Variants in SEMA3A observed in about 807,000 individuals in gnomAD.
SEMA3A encodes semaphorin 3A.
SEMA3A carries 29 observed loss-of-function variants against 97.9 expected under a neutral mutation model. The ratio of observed to expected loss-of-function variants is 0.30; its 90% CI spans 0.22 to 0.40. The LOEUF (loss-of-function observed/expected upper bound fraction) is 0.40, where lower values mean the gene tolerates loss of function less well. Ranked by LOEUF, SEMA3A falls within the 10% of genes least tolerant of loss-of-function variation. The pLI is 1.00. For missense variants in SEMA3A, 763 were observed against 951.3 expected (o/e 0.80, Z 2.60); for synonymous variants, 321 against 323.7 (o/e 0.99, Z 0.09).
intron 2 of SEMA3A, among the ~76,000 whole-genome samples, chr7:84,328,725 G>A (rs1801834097): frequency 6.6e-6 from 1 of 151,902 alleles, no homozygotes; most frequent in African/African-American, 2.4e-5. Flanking sequence ...ATTTTCTAAG[G>A]ATTTGGGGCC....
At chr7:84,445,023 TA>T (rs1805373554) in intron 1 of SEMA3A, among the ~76,000 whole-genome samples, 1 of 152,188 alleles carries the variant, frequency 6.6e-6, no homozygotes, top group Non-Finnish European at 1.5e-5. Flanking sequence ...TTAAAACTGA[TA>T]TCTTCTTCTG....
At chr7:84,335,080 T>C (rs1309045346) in intron 2 of SEMA3A, among the ~76,000 whole-genome samples, 1 of 152,160 alleles carries the variant, frequency 6.6e-6, no homozygotes, top group Non-Finnish European at 1.5e-5. Flanking sequence ...AACCTTAAAA[T>C]TTTCAATTTT....
intron 2 of SEMA3A, among the ~76,000 whole-genome samples, chr7:84,333,494 G>A (rs549214286): frequency 6.6e-6 from 1 of 152,196 alleles, no homozygotes; most frequent in East Asian, 1.9e-4. Flanking sequence ...GGTGAGGAGA[G>A]TGACTTTAGT....
intron 7 of SEMA3A, among the ~76,000 whole-genome samples, chr7:84,013,027 T>G (rs1790947137): frequency 6.6e-6 from 1 of 152,122 alleles, no homozygotes; most frequent in Admixed American, 6.6e-5. Context: ...TTTCAGTAAT[T>G]GAATATAGTA....
intron 6 of SEMA3A, among the ~76,000 whole-genome samples, chr7:84,038,798 A>G (rs921212215): frequency 6.6e-6 from 1 of 152,184 alleles, no homozygotes; most frequent in African/African-American, 2.4e-5. Flanking sequence ...TACTTACTAG[A>G]GATAAATTAA....
chr7:84,120,221 C>A (rs1260893865), intron 3 of SEMA3A, among the ~76,000 whole-genome samples: 1 of 152,004 alleles, frequency 6.6e-6, no homozygotes, highest in Non-Finnish European at 1.5e-5. Context: ...TAATACCAAC[C>A]TATTTGGCTG....
chr7:84,420,581 A>G (rs1189670368), intron 1 of SEMA3A, among the ~76,000 whole-genome samples: 2 of 152,004 alleles, frequency 1.3e-5, no homozygotes, highest in Non-Finnish European at 2.9e-5. Flanking sequence ...AATGGCAAAA[A>G]CTTTTCTTAT....
chr7:84,372,388 A>C (rs2116106134), intron 1 of SEMA3A: 1 of 152,186 alleles, frequency 6.6e-6, no homozygotes, highest in African/African-American at 2.4e-5. Flanking sequence ...TCTTACAATT[A>C]TCCTCAAATG....
At chr7:84,295,035 T>G (rs1468787399) in intron 3 of SEMA3A, among the ~76,000 whole-genome samples, 8 of 152,052 alleles carry the variant, frequency 5.3e-5, no homozygotes, top group African/African-American at 1.7e-4. Context: ...TTTCTTAGTT[T>G]CCTTACTTTT....
rs1216684985 is a variant in SEMA3A, at chr7:84,110,533, G to A, written c.390C>T (p.Tyr130=). 33 of 1,613,694 alleles carry A rather than the reference G, an allele frequency of 2.0e-5. No homozygotes were observed. Among genetic ancestry groups the A allele is most frequent in the Middle Eastern group, 1.6e-4 (1 of 6,082 alleles). Residue 130 remains tyrosine, a synonymous_variant, in exon 4 of 17, where the codon TAC becomes TAT. Transcript: ENST00000265362. ...VLKAYNQTHL[Y]ACGTGAFHPI... The stretch of plus-strand genomic sequence containing the variant: ...GATGAAAAGCCCCCGTTCCACAGGC[G>A]TACAAGTGAGTCTGATTATATGCCT...
chr7:84,015,330 G>A (rs1211798495), intron 6 of SEMA3A, among the ~76,000 whole-genome samples: 1 of 152,092 alleles, frequency 6.6e-6, no homozygotes, highest in Non-Finnish European at 1.5e-5. Context: ...TCTGTGCAAT[G>A]AGAAAAGAAA....
intron 15 of SEMA3A, among the ~76,000 whole-genome samples, chr7:83,976,361 T>C (rs940056644): frequency 3.3e-5 from 5 of 152,190 alleles, no homozygotes; most frequent in African/African-American, 4.8e-5. Context: ...AATGTTTACA[T>C]TGTACATTTC....
intron 3 of SEMA3A, among the ~76,000 whole-genome samples, chr7:84,203,446 T>C (rs1253626893): frequency 1.4e-5 from 2 of 147,194 alleles, no homozygotes; most frequent in African/African-American, 5.0e-5. Flanking sequence ...TAAAATATTA[T>C]GTTCAGAAAT....
chr7:84,491,540 C>T (rs1199562297), intron 1 of SEMA3A, among the ~76,000 whole-genome samples: 1 of 152,104 alleles, frequency 6.6e-6, no homozygotes, highest in Non-Finnish European at 1.5e-5. Flanking sequence ...GCAGCAAACA[C>T]ATTCTTTTAC....
rs141006220 is a variant in SEMA3A, at chr7:84,108,578, A to G, written c.453+1892T>C. On this transcript the variant is annotated intron_variant, in intron 4 of 16. Transcript: ENST00000265362. ...AAGATCTGAAGCTAGATGTGACACC[A>G]AAGTCCAGTCCTTTCTGCTAATTTG... Among the ~76,000 whole-genome samples the G allele has an allele frequency of 2.8e-3, 424 of 152,280 alleles. 4 individuals carry two copies. Among genetic ancestry groups the G allele is most frequent in the African/African-American group, 9.3e-3 (387 of 41,576 alleles).
intron 2 of SEMA3A, among the ~76,000 whole-genome samples, chr7:84,360,353 C>T (rs1460452946): frequency 6.6e-6 from 1 of 152,032 alleles, no homozygotes; most frequent in Admixed American, 6.6e-5. Context: ...TCTCTGTTCT[C>T]GTTGGTTTCA....
At chr7:84,468,788 A>C (rs926619090) in intron 1 of SEMA3A, among the ~76,000 whole-genome samples, 1 of 152,098 alleles carries the variant, frequency 6.6e-6, no homozygotes, top group Non-Finnish European at 1.5e-5. Flanking sequence ...TATAAGTATT[A>C]GATTTATATC....
chr7:84,115,094 T>C (rs368697281), intron 3 of SEMA3A, among the ~76,000 whole-genome samples: 1 of 152,102 alleles, frequency 6.6e-6, no homozygotes, highest in African/African-American at 2.4e-5. Flanking sequence ...TTATATTTTT[T>C]AGAGATTTGA....
At chr7:84,290,860 G>T (rs966619563) in intron 3 of SEMA3A, among the ~76,000 whole-genome samples, 1 of 151,980 alleles carries the variant, frequency 6.6e-6, no homozygotes, top group Admixed American at 6.6e-5. Context: ...AAATAATTTG[G>T]AACAGAAAAT....
Sources: gnomAD v4.1 joint callset for allele counts (sites outside exome capture counted in the v4.1 genomes callset) on GRCh38, gnomAD v4.1.1 for gene constraint, MANE v1.5 for transcripts, NCBI Gene and HGNC (gene_info 2026-07-23, HGNC 2026-07-21) for gene names.